The following SLC33A1 variants were observed in gnomAD, a reference collection of about 807,000 sequenced individuals.
SLC33A1 encodes solute carrier family 33 member 1.
SLC33A1 carries 20 observed loss-of-function variants against 50.0 expected under a neutral mutation model. That is an observed-to-expected ratio of 0.40 (90% CI 0.28 to 0.58). The LOEUF is 0.58. Among genes scored for constraint, SLC33A1 ranks in the 20% least tolerant of loss-of-function variants. The pLI, the probability that SLC33A1 is intolerant of heterozygous loss-of-function variation, is 0.44. For synonymous variants in SLC33A1, 265 were observed against 251.8 expected (o/e 1.05, Z -0.50); for missense variants, 476 against 657.0 (o/e 0.72, Z 3.01).
At position 155,833,509 on chromosome 3, in the gene SLC33A1, A is replaced by T; in HGVS notation, c.1225T>A (p.Tyr409Asn). 16 of 1,599,436 alleles carry T rather than the reference A, an allele frequency of 1.0e-5. No homozygotes were observed. The highest frequency in any genetic ancestry group is 1.4e-5 in the Non-Finnish European group (16 of 1,166,700). ...CTCAGCAGGACTACGATATAGTAAT[A>T]TATAGGGAATCCCCCTTGATGTTCT... The part of the protein sequence containing the change: ...KVEHQGGFPI[Y>N]YYIVVLLSYA... The change falls in exon 4 of 6, where the codon TAT becomes AAT. Residue 409 changes from tyrosine to asparagine, a missense_variant. By Grantham distance (143) the Tyr-to-Asn change is moderately radical. Transcript: ENST00000643144.
intron 2 of SLC33A1, among the ~76,000 whole-genome samples, chr3:155,834,850 C>T (rs1752586748): frequency 7.0e-6 from 1 of 143,210 alleles, no homozygotes; most frequent in African/African-American, 2.4e-5. Context: ...CAAGAAGAAA[C>T]ATGAGAGAAA....
At chr3:155,846,860 G>A (rs1428508718) in intron 1 of SLC33A1, among the ~76,000 whole-genome samples, 3 of 152,046 alleles carry the variant, frequency 2.0e-5, no homozygotes, top group Admixed American at 1.3e-4. Flanking sequence ...CAAACTTGGT[G>A]TGTCTTCCTA....
chr3:155,828,173 T>A lies in SLC33A1; in HGVS notation c.*37A>T. 1 of 1,478,352 alleles carries A rather than the reference T, an allele frequency of 6.8e-7. No homozygotes were observed. 91.6% of individuals were successfully genotyped at this position (1,478,352 alleles called of 1,614,324 possible). A position where few individuals can be genotyped will look rare whatever the true frequency, so the allele number is the denominator to read the frequency against. Reference sequence around the variant, plus strand: ...ATTGCTCTCCGAATTAAAACTAAACTACAATTACCTTGCTAGAATGTCCAG... The same window carrying A: ...ATTGCTCTCCGAATTAAAACTAAACAACAATTACCTTGCTAGAATGTCCAG... On this transcript the variant is annotated 3_prime_UTR_variant, in exon 6 of 6. Transcript: ENST00000643144.
intron 1 of SLC33A1, 85 bp from the exon 2 acceptor site, chr3:155,842,704 A>G (rs745620004): frequency 1.5e-5 from 12 of 796,244 alleles, no homozygotes; most frequent in Non-Finnish European, 2.3e-5. Context: ...ATAACTTTCA[A>G]TTAAAATGTT....
chr3:155,850,771 C>T (rs1164492840), intron 1 of SLC33A1, among the ~76,000 whole-genome samples: 1 of 151,626 alleles, frequency 6.6e-6, no homozygotes, highest in African/African-American at 2.4e-5. Flanking sequence ...TGAATGCCAC[C>T]ACTTCCACCT....
intron 1 of SLC33A1, among the ~76,000 whole-genome samples, chr3:155,845,782 TA>T (rs1753145357): frequency 6.6e-6 from 1 of 152,188 alleles, no homozygotes; most frequent in African/African-American, 2.4e-5. Context: ...CCAACAACCA[TA>T]AAGAAACATT....
rs1752197552 is a variant in SLC33A1, at chr3:155,826,341, T to A, written c.*1869A>T. The A allele has an allele frequency of 6.6e-6, 1 of 151,666 alleles. No individual in the cohort carries two copies. Among genetic ancestry groups the A allele is most frequent in the African/African-American group, 2.4e-5 (1 of 41,232 alleles). 9.4% of individuals were successfully genotyped at this position (151,666 alleles called of 1,614,324 possible). On this transcript the variant is annotated 3_prime_UTR_variant, in exon 6 of 6. Transcript: ENST00000643144. ...GGCAGAGGTTGCAGTGAGCCGAGAT[T>A]GCACCACTGTACTCCAGCCTGGGTG...
In SLC33A1 at chr3:155,827,987, A is replaced by G; in HGVS notation, c.*223T>C. On this transcript the variant is annotated 3_prime_UTR_variant, in exon 6 of 6. Coordinates refer to ENST00000643144, the MANE Select transcript of SLC33A1 (RefSeq NM_004733.4). ...ATAACAAGGCCAGAAAAGTTGTTTT[A>G]GAATTTCCTGACCTTAAGTAAACTT... The G allele has an allele frequency of 2.1e-6, 1 of 479,902 alleles. No homozygotes were observed. Among genetic ancestry groups the G allele is most frequent in the Non-Finnish European group, 3.7e-6 (1 of 266,998 alleles). 29.7% of individuals were successfully genotyped at this position (479,902 alleles called of 1,614,324 possible). A position where few individuals can be genotyped will look rare whatever the true frequency, so the allele number is the denominator to read the frequency against.
rs1209456835 is a variant in SLC33A1, at chr3:155,822,803, T to C, written c.*5407A>G. ...TAATATTGCTGATATTTAAATATGA[T>C]CTCTTTCATTACACATTTGGGCAAA... is the stretch of plus-strand genomic sequence containing the variant. On this transcript the variant is annotated 3_prime_UTR_variant, in exon 6 of 6. Coordinates refer to ENST00000643144, the MANE Select transcript of SLC33A1 (RefSeq NM_004733.4). 1 of 152,210 alleles carries C rather than the reference T, an allele frequency of 6.6e-6. No individual in the cohort carries two copies. Among genetic ancestry groups the C allele is most frequent in the African/African-American group, 2.4e-5 (1 of 41,452 alleles). 9.4% of individuals were successfully genotyped at this position (152,210 alleles called of 1,614,324 possible).
In SLC33A1 at chr3:155,829,833, C is replaced by T; in HGVS notation, c.1337G>A (p.Gly446Glu). 3 of 1,613,810 alleles carry T rather than the reference C, an allele frequency of 1.9e-6. No individual in the cohort carries two copies. The highest frequency in any genetic ancestry group is 2.5e-6 in the Non-Finnish European group (3 of 1,179,768). ...NAKVSDPLIG[G>E]TYMTLLNTVS... Reference sequence around the variant, plus strand: ...GGTATTTAAAAGGGTCATGTATGTTCCTCCAATAAGTGGATCACTAACCTT... The same window carrying T: ...GGTATTTAAAAGGGTCATGTATGTTTCTCCAATAAGTGGATCACTAACCTT... Residue 446 changes from glycine (G) to glutamate (E), a missense_variant, in exon 5 of 6, where the codon GGA becomes GAA. Coordinates refer to ENST00000643144, the MANE Select transcript of SLC33A1 (RefSeq NM_004733.4).
Position 155,828,092 on chromosome 3 carries a change from A to G in SLC33A1, c.*118T>C, listed in dbSNP as rs1484058030. On this transcript the variant is annotated 3_prime_UTR_variant, in exon 6 of 6. Coordinates refer to ENST00000643144, the MANE Select transcript of SLC33A1 (RefSeq NM_004733.4). The stretch of plus-strand genomic sequence containing the variant: ...TATTTTTTCAACCATTTGGCATTTT[A>G]TATTATTAATTTCGCTGTTTAAAAT... 4.0e-6 allele frequency: 3 copies of G among 742,302 alleles called. No homozygotes were observed. In the East Asian group the frequency reaches 7.9e-5, roughly 20 times the overall value. 46.0% of individuals were successfully genotyped at this position (742,302 alleles called of 1,614,324 possible). A position where few individuals can be genotyped will look rare whatever the true frequency, so the allele number is the denominator to read the frequency against.
intron 1 of SLC33A1, among the ~76,000 whole-genome samples, chr3:155,845,292 A>G (rs913230884): frequency 3.9e-5 from 6 of 152,098 alleles, no homozygotes. Flanking sequence ...AGAAGAAACT[A>G]CACAGGTTTC....
chr3:155,831,250 A>G (rs1425037322), intron 4 of SLC33A1, among the ~76,000 whole-genome samples: 1 of 151,960 alleles, frequency 6.6e-6, no homozygotes, highest in Non-Finnish European at 1.5e-5. Flanking sequence ...TGAGGTCAGG[A>G]GTTCAAGACC....
intron 4 of SLC33A1, among the ~76,000 whole-genome samples, chr3:155,830,866 A>G (rs983550620): frequency 5.3e-5 from 8 of 152,204 alleles, no homozygotes; most frequent in South Asian, 2.1e-4. Context: ...TAAGAGGCAA[A>G]AAGTACTTAA....
Position 155,854,247 on chromosome 3 carries a change from G to A in SLC33A1, c.-250C>T. Reference sequence around the variant, plus strand: ...CTGGAACGGCGTCAAAGAGCCTGAAGGAGACCCCCGGGCAGCAGCGCCGGG... The same window carrying A: ...CTGGAACGGCGTCAAAGAGCCTGAAAGAGACCCCCGGGCAGCAGCGCCGGG... On this transcript the variant is annotated 5_prime_UTR_variant, in exon 1 of 6. Coordinates refer to ENST00000643144, the MANE Select transcript of SLC33A1 (RefSeq NM_004733.4). 2.7e-6 allele frequency: 1 copy of A among 373,092 alleles called. No homozygotes were observed. The highest frequency in any genetic ancestry group is 4.8e-6 in the Non-Finnish European group (1 of 206,982). The allele number at this position is 373,092 out of a possible 1,614,324, so 23.1% of individuals were successfully genotyped here. A position where few individuals can be genotyped will look rare whatever the true frequency, so the allele number is the denominator to read the frequency against.
intron 4 of SLC33A1, among the ~76,000 whole-genome samples, chr3:155,830,208 C>CA (rs1182731725): frequency 0.031 from 3,228 of 105,360 alleles, 75 homozygotes; most frequent in African/African-American, 0.074. Flanking sequence ...CTGAAAAATA[C>CA]AAAAAAAAAA....
At chr3:155,850,112 G>A (rs745899379) in intron 1 of SLC33A1, among the ~76,000 whole-genome samples, 1 of 151,376 alleles carries the variant, frequency 6.6e-6, no homozygotes, top group South Asian at 2.1e-4. Context: ...AGGTTGAAGC[G>A]ATTCCCCTGC....
intron 2 of SLC33A1, among the ~76,000 whole-genome samples, chr3:155,834,939 C>T (rs2109314976): frequency 6.6e-6 from 1 of 152,176 alleles, no homozygotes; most frequent in Admixed American, 6.6e-5. Flanking sequence ...CAATGAAAGG[C>T]CATACCAACT....
chr3:155,824,715 T>A lies in SLC33A1; in HGVS notation c.*3495A>T, dbSNP rs1390302385. ...TACTTTCAAAACCATGATTTTTGGA[T>A]CATGGCCCATCCAAGATTTTACTCT... On this transcript the variant is annotated 3_prime_UTR_variant, in exon 6 of 6. Coordinates refer to ENST00000643144, the MANE Select transcript of SLC33A1 (RefSeq NM_004733.4). 6.6e-6 allele frequency: 1 copy of A among 152,134 alleles called. No homozygotes were observed. The highest frequency in any genetic ancestry group is 1.9e-4 in the East Asian group (1 of 5,194). 9.4% of individuals were successfully genotyped at this position (152,134 alleles called of 1,614,324 possible).
Sources: gnomAD v4.1 joint callset for allele counts (sites outside exome capture counted in the v4.1 genomes callset) on GRCh38, gnomAD v4.1.1 for gene constraint, MANE v1.5 for transcripts, NCBI Gene and HGNC (gene_info 2026-07-23, HGNC 2026-07-21) for gene names.